Variants in CAST observed in about 807,000 individuals in gnomAD.
The protein encoded by CAST is calpastatin.
CAST carries 76 observed loss-of-function variants against 119.6 expected under a neutral mutation model. That is an observed-to-expected ratio of 0.64 (90% CI 0.53 to 0.77). The LOEUF (loss-of-function observed/expected upper bound fraction) is 0.77. CAST is among the 30% of genes least tolerant of loss of function. The probability of loss-of-function intolerance (pLI) is 0.00; values close to 1 mark genes in which losing one functional copy is unlikely to be tolerated. For synonymous variants in CAST, 319 were observed against 331.6 expected (o/e 0.96, Z 0.41); for missense variants, 953 against 946.5 (o/e 1.01, Z -0.09).
the CAST span, among the ~76,000 whole-genome samples, chr5:96,384,012 G>C: frequency 1.3e-5 from 2 of 152,134 alleles, no homozygotes; most frequent in African/African-American, 4.8e-5. Flanking sequence ...GAAGCTCATG[G>C]AACTGGAGAG....
chr5:96,301,576 G>A, the CAST span, among the ~76,000 whole-genome samples: 1 of 152,152 alleles, frequency 6.6e-6, no homozygotes, highest in East Asian at 1.9e-4. Flanking sequence ...AGATACAATG[G>A]GGGTACAGGC....
the CAST span, among the ~76,000 whole-genome samples, chr5:96,254,770 G>T: frequency 6.6e-6 from 1 of 152,090 alleles, no homozygotes; most frequent in Non-Finnish European, 1.5e-5. Flanking sequence ...CTGATATCAG[G>T]AATATTTGAT....
chr5:96,103,083 G>C, the CAST span, among the ~76,000 whole-genome samples: 1 of 151,952 alleles, frequency 6.6e-6, no homozygotes, highest in Admixed American at 6.6e-5. Flanking sequence ...GTCAAAGGTG[G>C]ATACAAAATC....
chr5:96,619,285 G>A (rs1261373244), intron 1 of CAST, among the ~76,000 whole-genome samples: 1 of 85,120 alleles, frequency 1.2e-5, no homozygotes, highest in Non-Finnish European at 2.7e-5. Flanking sequence ...TCTAGCTAGA[G>A]GATTGTAAAT....
chr5:96,303,401 C>T, the CAST span, among the ~76,000 whole-genome samples: 2 of 152,142 alleles, frequency 1.3e-5, no homozygotes, highest in East Asian at 1.9e-4. Flanking sequence ...ATTTTCAATA[C>T]ATAACATCAT....
the CAST span, among the ~76,000 whole-genome samples, chr5:96,101,768 G>A: frequency 4.8e-4 from 73 of 152,288 alleles, no homozygotes; most frequent in African/African-American, 1.7e-3. Context: ...GCAACCAAGC[G>A]AGACTCCATC....
chr5:95,972,304 T>G, the CAST span, among the ~76,000 whole-genome samples: 2 of 152,190 alleles, frequency 1.3e-5, no homozygotes, highest in African/African-American at 4.8e-5. Flanking sequence ...TATTTAACAT[T>G]ATAATAAGCT....
chr5:96,725,451 G>A (rs1018276888), intron 4 of CAST, among the ~76,000 whole-genome samples: 2 of 152,156 alleles, frequency 1.3e-5, no homozygotes, highest in Non-Finnish European at 2.9e-5. Flanking sequence ...CACCATGGAT[G>A]TCTTTAGGGA....
the CAST span, among the ~76,000 whole-genome samples, chr5:96,115,923 C>CT: frequency 0.01 from 1,271 of 124,044 alleles, 15 homozygotes; most frequent in East Asian, 0.053. Flanking sequence ...TCATTTCTTT[C>CT]TTTTTTTTTT....
the CAST span, among the ~76,000 whole-genome samples, chr5:96,364,119 A>G: frequency 1.3e-5 from 2 of 152,188 alleles, no homozygotes; most frequent in Non-Finnish European, 2.9e-5. Context: ...GGTTCTGTTT[A>G]TATGCTGGAT....
chr5:95,961,937 C>T, the CAST span: 1 of 589,470 alleles, frequency 1.7e-6, no homozygotes, highest in Admixed American at 4.0e-5. Flanking sequence ...TCTCATTGGT[C>T]TTGTTCCCTT....
chr5:96,093,365 G>A, the CAST span, among the ~76,000 whole-genome samples: 1 of 152,230 alleles, frequency 6.6e-6, no homozygotes, highest in African/African-American at 2.4e-5. Context: ...AGGTCCTGAA[G>A]AATGAGTATG....
intron 1 of CAST, among the ~76,000 whole-genome samples, chr5:96,587,010 C>T (rs758604868): frequency 2.0e-5 from 3 of 152,114 alleles, no homozygotes; most frequent in Non-Finnish European, 2.9e-5. Flanking sequence ...ACCTTCAAAC[C>T]GAGATTTATT....
the CAST span, among the ~76,000 whole-genome samples, chr5:96,115,009 T>A: frequency 6.6e-6 from 1 of 152,230 alleles, no homozygotes; most frequent in Non-Finnish European, 1.5e-5. Context: ...CATGGGGTTA[T>A]CGCAACAATT....
At chr5:96,440,148 A>T in the CAST span, among the ~76,000 whole-genome samples, 1 of 150,908 alleles carries the variant, frequency 6.6e-6, no homozygotes, top group African/African-American at 2.4e-5. Context: ...ACAAAGTATG[A>T]ATTTCTGCAA....
chr5:96,539,985 C>A (rs537784455), intron 1 of CAST, among the ~76,000 whole-genome samples: 12 of 152,130 alleles, frequency 7.9e-5, no homozygotes, highest in Admixed American at 4.6e-4. Context: ...TTGGACATAG[C>A]TTTGTTTAAT....
the CAST span, among the ~76,000 whole-genome samples, chr5:96,136,350 G>A: frequency 7.5e-6 from 1 of 133,402 alleles, no homozygotes; most frequent in Non-Finnish European, 1.7e-5. Context: ...CACCTCTTTT[G>A]TTTTGTTTTG....
At chr5:96,181,686 A>G in the CAST span, among the ~76,000 whole-genome samples, 1 of 152,186 alleles carries the variant, frequency 6.6e-6, no homozygotes, top group Non-Finnish European at 1.5e-5. Context: ...ATTTTTCACA[A>G]TATTTGGTTT....
the CAST span, among the ~76,000 whole-genome samples, chr5:96,155,799 C>T: frequency 6.6e-6 from 1 of 152,160 alleles, no homozygotes; most frequent in Non-Finnish European, 1.5e-5. Flanking sequence ...AATCCTTGCT[C>T]CTATGTGGTC....
Sources: allele counts gnomAD v4.1 joint callset (sites outside exome capture counted in the v4.1 genomes callset), GRCh38; gene constraint gnomAD v4.1.1; transcripts MANE v1.5; gene names NCBI Gene and HGNC (gene_info 2026-07-23, HGNC 2026-07-21).